Variants in RASAL2 observed in about 807,000 individuals in gnomAD.
The protein encoded by RASAL2 is RAS protein activator like 2, also known as ras GTPase-activating protein nGAP.
RASAL2 carries 58 observed loss-of-function variants against 128.9 expected under a neutral mutation model. The observed-to-expected ratio is 0.45, with a 90% CI of 0.36 to 0.56. RASAL2 has a LOEUF of 0.56. RASAL2 is among the 20% of genes least tolerant of loss of function. The pLI is 0.00. For synonymous variants in RASAL2, 561 were observed against 580.8 expected, an observed-to-expected ratio of 0.97 and a Z score of 0.49; for missense variants, 1,360 against 1,601.6, an observed-to-expected ratio of 0.85 and a Z score of 2.57.
chr1:178,343,421 T>C (rs1669984697), intron 3 of RASAL2, among the ~76,000 whole-genome samples: 2 of 152,206 alleles, frequency 1.3e-5, no homozygotes, highest in African/African-American at 4.8e-5. Flanking sequence ...TCTATCCAAC[T>C]TAACAGTATT....
chr1:178,467,767 C>T (rs1425584570), intron 17 of RASAL2, among the ~76,000 whole-genome samples: 1 of 152,206 alleles, frequency 6.6e-6, no homozygotes, highest in Non-Finnish European at 1.5e-5. Flanking sequence ...GGCTTGTGAC[C>T]TCCACTGACC....
At chr1:178,121,381 G>A (rs1429186007) in intron 1 of RASAL2, among the ~76,000 whole-genome samples, 1 of 152,292 alleles carries the variant, frequency 6.6e-6, no homozygotes, top group East Asian at 1.9e-4. Flanking sequence ...AGAAACTGAG[G>A]CTAAAATAGG....
chr1:178,409,628 C>T (rs1460024143), intron 4 of RASAL2, among the ~76,000 whole-genome samples: 4 of 152,158 alleles, frequency 2.6e-5, no homozygotes, highest in African/African-American at 9.7e-5. Context: ...GATACTATAT[C>T]TTATAGGCAG....
intron 2 of RASAL2, among the ~76,000 whole-genome samples, chr1:178,294,320 C>T (rs1295035531): frequency 6.6e-6 from 1 of 151,970 alleles, no homozygotes; most frequent in Non-Finnish European, 1.5e-5. Context: ...ACAAACACAC[C>T]ACCACTTCTT....
chr1:178,105,849 T>A lies in RASAL2; in HGVS notation c.202+11155T>A, dbSNP rs1418159812. ...CACTGCGCCCAGCTAGTTTTTTGTT[T>A]ACTTTTTGTAGAGACGAGGTCTCAC... is the stretch of plus-strand genomic sequence containing the variant. On this transcript the variant is annotated intron_variant, in intron 1 of 17. Coordinates refer to ENST00000367649, the MANE Select transcript of RASAL2 (RefSeq NM_170692.4). Among the ~76,000 whole-genome samples the A allele has an allele frequency of 2.0e-5, 3 of 152,242 alleles. No homozygotes were observed. In the East Asian group the frequency reaches 5.8e-4, roughly 29 times the overall value.
At chr1:178,229,439 G>A (rs1663916124) in intron 1 of RASAL2, among the ~76,000 whole-genome samples, 1 of 151,158 alleles carries the variant, frequency 6.6e-6, no homozygotes, top group African/African-American at 2.4e-5. Context: ...TCCTGATCCT[G>A]ACATTTTTGA....
intron 5 of RASAL2, among the ~76,000 whole-genome samples, chr1:178,421,543 G>T (rs1675142057): frequency 6.7e-6 from 1 of 149,502 alleles, no homozygotes; most frequent in South Asian, 2.1e-4. Flanking sequence ...AGGAACTGAG[G>T]CATAAAAAGT....
chr1:178,172,118 A>G (rs1027513064), intron 1 of RASAL2, among the ~76,000 whole-genome samples: 1 of 152,040 alleles, frequency 6.6e-6, no homozygotes, highest in African/African-American at 2.4e-5. Flanking sequence ...GAGGTTGTCC[A>G]TGAAAAATTA....
At chr1:178,405,261 AT>A (rs1673926003) in intron 4 of RASAL2, among the ~76,000 whole-genome samples, 1 of 152,214 alleles carries the variant, frequency 6.6e-6, no homozygotes, top group Non-Finnish European at 1.5e-5. Context: ...TTTATGCAGC[AT>A]TGTTTTTTAA....
chr1:178,102,123 C>T (rs902714100), intron 1 of RASAL2, among the ~76,000 whole-genome samples: 6 of 151,848 alleles, frequency 4.0e-5, no homozygotes, highest in Admixed American at 3.9e-4. Flanking sequence ...ATATATGATG[C>T]TTAGAACCCT....
At chr1:178,223,265 A>T (rs941877299) in intron 1 of RASAL2, among the ~76,000 whole-genome samples, 1 of 152,192 alleles carries the variant, frequency 6.6e-6, no homozygotes, top group African/African-American at 2.4e-5. Context: ...GAGGAAATAT[A>T]CAATTACAAC....
intron 1 of RASAL2, among the ~76,000 whole-genome samples, chr1:178,118,444 G>T (rs35684206): frequency 6.6e-5 from 10 of 152,128 alleles, no homozygotes; most frequent in Non-Finnish European, 2.9e-5. Flanking sequence ...CTCATCTGGG[G>T]GTGATGGGAG....
chr1:178,463,917 A>C (rs1647368552), intron 14 of RASAL2, among the ~76,000 whole-genome samples: 2 of 152,146 alleles, frequency 1.3e-5, no homozygotes, highest in South Asian at 4.2e-4. Context: ...CTTTTATGGC[A>C]TAAAAGACTT....
intron 1 of RASAL2, among the ~76,000 whole-genome samples, chr1:178,096,089 A>G (rs1346834758): frequency 6.6e-6 from 1 of 152,196 alleles, no homozygotes; most frequent in Admixed American, 6.5e-5. Flanking sequence ...TAGATTAAAA[A>G]CTTTGGTGCC....
chr1:178,194,677 G>A (rs912580879), intron 1 of RASAL2: 3 of 177,002 alleles, frequency 1.7e-5, no homozygotes, highest in Middle Eastern at 3.1e-3. Flanking sequence ...CCTCACCAGT[G>A]GATTTACTAG....
chr1:178,150,649 T>C (rs925111127), intron 1 of RASAL2, among the ~76,000 whole-genome samples: 3 of 152,212 alleles, frequency 2.0e-5, no homozygotes, highest in Non-Finnish European at 4.4e-5. Flanking sequence ...TGTGGGATTA[T>C]CTGTTTGTAT....
chr1:178,457,703 C>A lies in RASAL2; in HGVS notation c.2411C>A (p.Ser804Tyr). 1 of 1,613,614 alleles carries A rather than the reference C, an allele frequency of 6.2e-7. No individual in the cohort carries two copies. Among genetic ancestry groups the A allele is most frequent in the Non-Finnish European group, 8.5e-7 (1 of 1,179,744 alleles). Residue 804 changes from serine to tyrosine, a missense_variant, in exon 14 of 18, where the codon TCT (serine) becomes TAT (tyrosine). This residue lies in a region of RASAL2 where 741 missense variants were observed against 868.6 expected (regional missense o/e 0.85). Coordinates refer to ENST00000367649, the MANE Select transcript of RASAL2 (RefSeq NM_170692.4). ...PTDSDLHKLK[S>Y]PSQDNTDSYF... ...CACAGTGATTTGCATAAACTAAAAT[C>A]TCCAAGCCAGGACAACACAGACAGC...
At chr1:178,376,640 T>C (rs1395922339) in intron 3 of RASAL2, among the ~76,000 whole-genome samples, 1 of 152,160 alleles carries the variant, frequency 6.6e-6, no homozygotes, top group Non-Finnish European at 1.5e-5. Context: ...ATTAATCTTA[T>C]GCCATTTATC....
intron 1 of RASAL2, among the ~76,000 whole-genome samples, chr1:178,186,572 T>A (rs898568746): frequency 2.0e-5 from 3 of 152,202 alleles, no homozygotes; most frequent in African/African-American, 7.2e-5. Context: ...ATCTTGAGGC[T>A]TGATTCTTTC....
Sources: gnomAD v4.1 joint callset for allele counts (sites outside exome capture counted in the v4.1 genomes callset) on GRCh38, gnomAD v4.1.1 for gene constraint, gnomAD v4.1.1 regional missense constraint, MANE v1.5 for transcripts, NCBI Gene and HGNC (gene_info 2026-07-23, HGNC 2026-07-21) for gene names.